SLC2A3: variants seen among roughly 807,000 people sequenced by gnomAD.
The protein encoded by SLC2A3 is solute carrier family 2 member 3.
Under a neutral mutation model 46.4 loss-of-function variants are expected in SLC2A3, and 21 were observed. The ratio of observed to expected loss-of-function variants is 0.45; its 90% CI spans 0.32 to 0.65. The LOEUF is 0.65. SLC2A3 is among the 30% of genes least tolerant of loss of function. The pLI is 0.04. For synonymous variants in SLC2A3, 213 were observed against 239.4 expected, an observed-to-expected ratio of 0.89 and a Z score of 1.02; for missense variants, 499 against 623.3, an observed-to-expected ratio of 0.80 and a Z score of 2.12.
At chr12:7,932,768 T>TCA (rs1165839112) in intron 3 of SLC2A3, 8 of 576,056 alleles carry the variant, frequency 1.4e-5, no homozygotes, top group Middle Eastern at 4.7e-4. Context: ...GGCCAATCAC[T>TCA]CACAGTTCAT....
In SLC2A3 at chr12:7,931,354, C is replaced by G. The variant is rs1294441744; in HGVS notation, c.401G>C (p.Cys134Ser). 2 of 1,614,130 alleles carry G rather than the reference C, an allele frequency of 1.2e-6. No individual in the cohort carries two copies. The highest frequency in any genetic ancestry group is 2.2e-5 in the South Asian group (2 of 91,076). Residue 134 changes from cysteine to serine, a missense_variant, in exon 4 of 10, where the codon TGC becomes TCC. Physicochemically the swap from Cys to Ser is moderately radical, Grantham distance 112. Coordinates refer to ENST00000075120, the MANE Select transcript of SLC2A3 (RefSeq NM_006931.3). ...AATGTACATGGGCACAAAACCTGTG[C>G]AGAGTCCGCAGAAGAGGCCAATAAC... ...RLVIGLFCGLCTGFVPMYIGE... is the reference protein window; with the variant it reads ...RLVIGLFCGLSTGFVPMYIGE...
rs1447864630 is a variant in SLC2A3 at position 7,920,760 on chromosome 12, A to C, written c.*653T>G. 1.3e-5 allele frequency: 2 copies of C among 154,556 alleles called. No homozygotes were observed. Among genetic ancestry groups the C allele is most frequent in the Non-Finnish European group, 2.9e-5 (2 of 69,614 alleles). The allele number at this position is 154,556 out of a possible 1,614,324, so 9.6% of individuals were successfully genotyped here. ...TCTACTCTATAACCTCTCTTTAAAC[A>C]CCTCCCTCTAATCTCAATTTCCTTC... On this transcript the variant is annotated 3_prime_UTR_variant, in exon 10 of 10. Transcript: ENST00000075120.
At chr12:7,929,383 C>A (rs1347749616) in intron 6 of SLC2A3, 5 of 361,252 alleles carry the variant, frequency 1.4e-5, no homozygotes, top group Admixed American at 8.5e-5. Context: ...CTACCATGCT[C>A]GCTATACTAG....
intron 1 of SLC2A3, 57 bp from the exon 2 acceptor site, chr12:7,933,959 GTTTCTT>G: frequency 6.7e-7 from 1 of 1,500,002 alleles, no homozygotes. Context: ...ATTGATGACT[GTTTCTT>G]ATTAATTATG....
At chr12:7,930,109 C>A in intron 5 of SLC2A3, 1 of 819,560 alleles carries the variant, frequency 1.2e-6, no homozygotes, top group Non-Finnish European at 1.8e-6. Flanking sequence ...CCTCAGCCTC[C>A]CAAGTAGCTG....
At chr12:7,923,751 C>T (rs546437246) in intron 8 of SLC2A3, among the ~76,000 whole-genome samples, 3 of 150,970 alleles carry the variant, frequency 2.0e-5, no homozygotes, top group Admixed American at 1.3e-4. Flanking sequence ...TGAACCACTG[C>T]GCCCAGCCAG....
Position 7,929,657 on chromosome 12 carries a change from C to T in SLC2A3, c.861+27G>A, listed in dbSNP as rs768296089. 2.0e-5 allele frequency: 32 copies of T among 1,611,398 alleles called. No individual in the cohort carries two copies. The South Asian group carries it at 2.9e-4, about 14-fold the overall frequency. Reference sequence around the variant, plus strand: ...ATTTTAAGTGAAATACTTTAAGACACGTTTGACCCTAAAGTATCACACTCA... The same window carrying T: ...ATTTTAAGTGAAATACTTTAAGACATGTTTGACCCTAAAGTATCACACTCA... On this transcript the variant is annotated intron_variant, in intron 6 of 9. Transcript: ENST00000075120.
chr12:7,924,085 A>G (rs139142938), intron 8 of SLC2A3, among the ~76,000 whole-genome samples: 48 of 152,188 alleles, frequency 3.2e-4, no homozygotes, highest in African/African-American at 1.1e-3. Flanking sequence ...GAATTTTTCA[A>G]TCCCATCTAT....
intron 9 of SLC2A3, among the ~76,000 whole-genome samples, chr12:7,922,024 GA>G (rs1232067168): frequency 6.7e-6 from 1 of 149,450 alleles, no homozygotes; most frequent in African/African-American, 2.5e-5. Context: ...CTCTATTTAT[GA>G]ATTTTTTTTT....
At chr12:7,932,899 G>C in intron 3 of SLC2A3, 88 bp downstream of exon 3, 2 of 1,536,870 alleles carry the variant, frequency 1.3e-6, no homozygotes, top group South Asian at 2.4e-5. Flanking sequence ...TTATTCAAAG[G>C]CATCATCACC....
intron 7 of SLC2A3, 86 bp downstream of exon 7, chr12:7,925,758 T>C: frequency 9.7e-7 from 1 of 1,034,196 alleles, no homozygotes; most frequent in Non-Finnish European, 1.5e-6. Context: ...GGTAACTAAA[T>C]GATGGTAGGG....
At chr12:7,923,808 G>A (rs1196641133) in intron 8 of SLC2A3, among the ~76,000 whole-genome samples, 3 of 140,268 alleles carry the variant, frequency 2.1e-5, no homozygotes, top group Admixed American at 7.5e-5. Flanking sequence ...CGCTCTTGTC[G>A]CTCAGGCTGG....
At chr12:7,930,763 TG>T (rs1696908608) in intron 4 of SLC2A3, 121 bp from the exon 5 acceptor site, 1 of 1,139,930 alleles carries the variant, frequency 8.8e-7, no homozygotes, top group South Asian at 1.8e-5. Flanking sequence ...AAACAAATTG[TG>T]TTTCTTTTCC....
intron 6 of SLC2A3, among the ~76,000 whole-genome samples, chr12:7,927,695 A>C (rs1293330299): frequency 1.3e-5 from 2 of 152,102 alleles, no homozygotes; most frequent in Non-Finnish European, 2.9e-5. Flanking sequence ...CCCAACCCCC[A>C]TAATTCTGAT....
rs1245126591 is a variant in SLC2A3, at chr12:7,921,615, T to C, written c.1289A>G (p.Tyr430Cys). The C allele has an allele frequency of 1.9e-6, 3 of 1,613,688 alleles. No individual in the cohort carries two copies. The highest frequency in any genetic ancestry group is 1.3e-5 in the African/African-American group (1 of 74,896). ...FPSAAHYLGA[Y>C]VFIIFTGFLI... ...GAAGCCGGTGAAGATAATAAAAACG[T>C]AGGCTCCTAAATAGTGCTAGAGAAA... is the stretch of plus-strand genomic sequence containing the variant. The change falls in exon 10 of 10, where the codon TAC becomes TGC. Residue 430 changes from tyrosine to cysteine, a missense_variant. By Grantham distance (194) the Tyr-to-Cys change is radical. Around this residue, in one of 5 missense-constraint regions of SLC2A3, gnomAD observed 179 missense variants for 205.1 expected, o/e 0.87. Coordinates refer to ENST00000075120, the MANE Select transcript of SLC2A3 (RefSeq NM_006931.3).
rs747057932 is a variant in SLC2A3, at chr12:7,922,977, G to A, written c.1116C>T (p.Val372=). The A allele has an allele frequency of 6.2e-7, 1 of 1,614,042 alleles. No homozygotes were observed. The highest frequency in any genetic ancestry group is 8.5e-7 in the Non-Finnish European group (1 of 1,180,000). The change falls in exon 9 of 10, where the codon GTC becomes GTT. Residue 372 remains valine (V), a synonymous_variant. Transcript: ENST00000075120. ...MSFVCIGAIL[V]FVAFFEIGPG... is the part of the protein sequence containing the mutation. ...GTCCAATTTCAAAGAAGGCTACAAA[G>A]ACCAAGATAGCCCCAATACAGACAA...
At chr12:7,935,883 G>C in intron 1 of SLC2A3, 137 bp downstream of exon 1, 1 of 767,162 alleles carries the variant, frequency 1.3e-6, no homozygotes, top group South Asian at 1.4e-5. Context: ...AGCAGTGCAG[G>C]CTAGAGACGA....
intron 4 of SLC2A3, 28 bp from the exon 5 acceptor site, chr12:7,930,670 A>G: frequency 6.3e-7 from 1 of 1,599,890 alleles, no homozygotes; most frequent in Non-Finnish European, 8.5e-7. Context: ...ATAATGCTAT[A>G]AACCCCATAC....
chr12:7,927,322 A>T (rs761472905), intron 6 of SLC2A3, among the ~76,000 whole-genome samples: 4 of 151,810 alleles, frequency 2.6e-5, no homozygotes, highest in East Asian at 1.9e-4. Flanking sequence ...TTACTTGAGC[A>T]GTTTAAACAA....
Sources: gnomAD v4.1 joint callset for allele counts (sites outside exome capture counted in the v4.1 genomes callset) on GRCh38, gnomAD v4.1.1 for gene constraint, gnomAD v4.1.1 regional missense constraint, MANE v1.5 for transcripts, NCBI Gene and HGNC (gene_info 2026-07-23, HGNC 2026-07-21) for gene names.